Variants in SLC8A1 observed in about 807,000 individuals in gnomAD.
The protein encoded by SLC8A1 is solute carrier family 8 member A1.
In SLC8A1, 18 loss-of-function variants were observed where a neutral mutation model predicts 68.3. The ratio of observed to expected loss-of-function variants is 0.26; its 90% CI spans 0.18 to 0.39. The LOEUF (loss-of-function observed/expected upper bound fraction) is 0.39, where lower values mean the gene tolerates loss of function less well. SLC8A1 is among the 10% of genes least tolerant of loss of function. SLC8A1 has a pLI of 1.00. For missense variants in SLC8A1, 985 were observed against 1,156.7 expected, an observed-to-expected ratio of 0.85 and a Z score of 2.15; for synonymous variants, 475 against 415.5, an observed-to-expected ratio of 1.14 and a Z score of -1.74.
At chr2:40,110,421 C>CA (rs1415845649) in exon 8 of SLC8A1, 1 of 152,126 alleles carries the variant, frequency 6.6e-6, no homozygotes, top group Admixed American at 6.6e-5. Flanking sequence ...ATTCTATTAG[C>CA]AAAACTCCGT....
chr2:40,477,824 G>A (rs1704386564), intron 1 of SLC8A1, among the ~76,000 whole-genome samples: 1 of 152,120 alleles, frequency 6.6e-6, no homozygotes, highest in Non-Finnish European at 1.5e-5. Flanking sequence ...GAATAACCAA[G>A]TTTCCAGCCA....
At chr2:40,192,574 G>A (rs898964919) in intron 2 of SLC8A1, among the ~76,000 whole-genome samples, 11 of 152,024 alleles carry the variant, frequency 7.2e-5, no homozygotes, top group Non-Finnish European at 1.5e-4. Flanking sequence ...GCTTTGCAGG[G>A]CATCTCAAGG....
intron 7 of SLC8A1, among the ~76,000 whole-genome samples, chr2:40,137,928 C>G (rs1390139333): frequency 1.3e-5 from 2 of 152,030 alleles, no homozygotes; most frequent in African/African-American, 2.4e-5. Context: ...TTATGGCTGA[C>G]CAGTATAAAT....
At chr2:40,329,673 G>A (rs1192459808) in intron 2 of SLC8A1, among the ~76,000 whole-genome samples, 1 of 152,184 alleles carries the variant, frequency 6.6e-6, no homozygotes, top group Non-Finnish European at 1.5e-5. Context: ...AGCAAGGATA[G>A]GGTGCTGCAC....
At chr2:40,129,308 G>A (rs1438881962) in intron 7 of SLC8A1, among the ~76,000 whole-genome samples, 2 of 150,694 alleles carry the variant, frequency 1.3e-5, no homozygotes, top group Admixed American at 1.3e-4. Flanking sequence ...ATGGCTCACT[G>A]CAGCCTTGGC....
intron 2 of SLC8A1, among the ~76,000 whole-genome samples, chr2:40,369,361 A>G (rs1486410092): frequency 2.0e-5 from 3 of 152,114 alleles, no homozygotes; most frequent in Non-Finnish European, 4.4e-5. Context: ...CTCAGTGTTC[A>G]GGGATATGAA....
chr2:40,478,540 T>A (rs1451406362), intron 1 of SLC8A1, among the ~76,000 whole-genome samples: 3 of 152,200 alleles, frequency 2.0e-5, no homozygotes, highest in African/African-American at 7.2e-5. Context: ...AGTCTATGAT[T>A]TTCTTTGGTA....
At chr2:40,118,276 C>G (rs2035938179) in intron 7 of SLC8A1, 1 of 152,230 alleles carries the variant, frequency 6.6e-6, no homozygotes. Flanking sequence ...CCACATTGCC[C>G]CTTCCAGGAA....
intron 2 of SLC8A1, among the ~76,000 whole-genome samples, chr2:40,344,533 C>G (rs1013607188): frequency 2.0e-5 from 3 of 152,012 alleles, no homozygotes; most frequent in Non-Finnish European, 4.4e-5. Context: ...AGTAAGACAC[C>G]CAGACTCACT....
intron 7 of SLC8A1, among the ~76,000 whole-genome samples, chr2:40,130,527 G>C (rs1413076025): frequency 6.6e-6 from 1 of 152,248 alleles, no homozygotes; most frequent in Non-Finnish European, 1.5e-5. Context: ...AGTGTCCCTG[G>C]TTAGCTTTGC....
intron 2 of SLC8A1, among the ~76,000 whole-genome samples, chr2:40,200,195 T>A (rs1198298995): frequency 0.17 from 1,458 of 8,754 alleles, 278 homozygotes; most frequent in Admixed American, 0.31. Flanking sequence ...TATATATTTA[T>A]ATATATATAT....
chr2:40,201,625 G>C (rs956966754), intron 2 of SLC8A1, among the ~76,000 whole-genome samples: 1 of 151,872 alleles, frequency 6.6e-6, no homozygotes, highest in Non-Finnish European at 1.5e-5. Context: ...GACTATTCTG[G>C]CTTGAAGAAC....
At chr2:40,168,555 G>A (rs2046938939) in intron 4 of SLC8A1, among the ~76,000 whole-genome samples, 1 of 152,046 alleles carries the variant, frequency 6.6e-6, no homozygotes, top group Non-Finnish European at 1.5e-5. Flanking sequence ...TTTTTGACTG[G>A]CAAAAATGAG....
In SLC8A1 at chr2:40,383,599, GAA is replaced by G. The variant is rs1261689299; in HGVS notation, c.1808+44872_1808+44873del. 3.3e-5 allele frequency among the ~76,000 whole-genome samples: 5 copies of G among 151,874 alleles called. 1 individual carries two copies. Among genetic ancestry groups the G allele is most frequent in the Admixed American group, 3.3e-4 (5 of 15,240 alleles). ...CACTAGAGAAGTAGGTACTAACAGA[GAA>G]AAAAATTAAATCTTAGATAAAAAAA... On this transcript the variant is annotated intron_variant, in intron 2 of 7. Transcript: ENST00000406785.
intron 2 of SLC8A1, among the ~76,000 whole-genome samples, chr2:40,253,273 A>C (rs182398557): frequency 2.0e-5 from 3 of 150,544 alleles, no homozygotes; most frequent in South Asian, 2.1e-4. Context: ...ATACATGTAC[A>C]TATGACGTAT....
chr2:40,300,946 T>G (rs1399877442), intron 2 of SLC8A1, among the ~76,000 whole-genome samples: 1 of 152,146 alleles, frequency 6.6e-6, no homozygotes, highest in Non-Finnish European at 1.5e-5. Context: ...AGTAATAATC[T>G]ATACGTAATT....
At chr2:40,367,638 G>A (rs1032402092) in intron 2 of SLC8A1, among the ~76,000 whole-genome samples, 2 of 151,970 alleles carry the variant, frequency 1.3e-5, no homozygotes, top group East Asian at 1.9e-4. Context: ...ATAATTGTTC[G>A]CCATCTCATC....
chr2:40,161,905 G>C (rs528951962), intron 5 of SLC8A1, among the ~76,000 whole-genome samples: 4 of 152,186 alleles, frequency 2.6e-5, no homozygotes, highest in African/African-American at 4.8e-5. Context: ...ATGTACTTGA[G>C]TGGACTATGG....
intron 2 of SLC8A1, among the ~76,000 whole-genome samples, chr2:40,353,779 T>A (rs954916794): frequency 2.6e-5 from 4 of 152,158 alleles, no homozygotes; most frequent in African/African-American, 9.7e-5. Context: ...TCCCAATCCA[T>A]CCACAATGGC....
Sources: gnomAD v4.1 joint callset for allele counts (sites outside exome capture counted in the v4.1 genomes callset) on GRCh38, gnomAD v4.1.1 for gene constraint, MANE v1.5 for transcripts, NCBI Gene and HGNC (gene_info 2026-07-23, HGNC 2026-07-21) for gene names.